The following HPSE2 variants were observed in gnomAD, a reference collection of about 807,000 sequenced individuals.
HPSE2 encodes inactive heparanase-2.
Under a neutral mutation model 60.5 loss-of-function variants are expected in HPSE2, and 38 were observed. The ratio of observed to expected loss-of-function variants is 0.63; its 90% CI spans 0.48 to 0.82. The LOEUF is 0.82. Ranked by LOEUF, HPSE2 falls within the 40% of genes least tolerant of loss-of-function variation. The probability of loss-of-function intolerance (pLI) is 0.00; values close to 1 mark genes in which losing one functional copy is unlikely to be tolerated. For missense variants in HPSE2, 713 were observed against 740.4 expected (o/e 0.96, Z 0.43); for synonymous variants, 295 against 293.2 (o/e 1.01, Z -0.06).
intron 2 of HPSE2, among the ~76,000 whole-genome samples, chr10:99,198,885 T>C (rs1440829171): frequency 6.7e-6 from 1 of 150,194 alleles, no homozygotes; most frequent in Non-Finnish European, 1.5e-5. Context: ...CATTCTACTC[T>C]TTGTTTCTAT....
At chr10:99,045,573 A>T (rs1957836564) in intron 3 of HPSE2, among the ~76,000 whole-genome samples, 1 of 152,264 alleles carries the variant, frequency 6.6e-6, no homozygotes, top group African/African-American at 2.4e-5. Flanking sequence ...AAAATAAACA[A>T]GATTAACATA....
At chr10:99,071,582 T>C (rs1362534891) in intron 3 of HPSE2, among the ~76,000 whole-genome samples, 1 of 152,266 alleles carries the variant, frequency 6.6e-6, no homozygotes, top group Non-Finnish European at 1.5e-5. Flanking sequence ...GTAATGTTTT[T>C]AAGCATCTTT....
At chr10:98,628,658 C>A (rs970543306) in intron 7 of HPSE2, among the ~76,000 whole-genome samples, 1 of 152,124 alleles carries the variant, frequency 6.6e-6, no homozygotes, top group Non-Finnish European at 1.5e-5. Flanking sequence ...GTCAAGGGGG[C>A]TTTCAGGTAC....
chr10:98,700,902 C>G lies in HPSE2; in HGVS notation c.957-6955G>C, dbSNP rs1329801916. Reference sequence around the variant, plus strand: ...ACACATGAAAAAATGCTCACCATCACTGGCCATCAGAGAAATGCAAATCAA... The same window carrying G: ...ACACATGAAAAAATGCTCACCATCAGTGGCCATCAGAGAAATGCAAATCAA... On this transcript the variant is annotated intron_variant, in intron 5 of 11. Transcript: ENST00000370552. 2.3e-4 allele frequency among the ~76,000 whole-genome samples: 15 copies of G among 66,174 alleles called. 6 individuals are homozygous for G. In the Admixed American group the frequency reaches 2.8e-3, roughly 12 times the overall value. The allele number at this position is 66,174 out of a possible 152,430, so 43.4% of individuals were successfully genotyped here.
chr10:99,152,350 A>G (rs954648726), intron 2 of HPSE2, among the ~76,000 whole-genome samples: 8 of 151,716 alleles, frequency 5.3e-5, no homozygotes, highest in African/African-American at 1.7e-4. Flanking sequence ...ATTTGTTGCT[A>G]GCAGACCTGC....
At chr10:98,596,407 C>G (rs1489871836) in intron 9 of HPSE2, among the ~76,000 whole-genome samples, 1 of 151,384 alleles carries the variant, frequency 6.6e-6, no homozygotes, top group Non-Finnish European at 1.5e-5. Context: ...GTATTCTGAA[C>G]TTGACTCTAT....
intron 3 of HPSE2, among the ~76,000 whole-genome samples, chr10:98,973,159 A>T (rs921202640): frequency 6.6e-6 from 1 of 152,194 alleles, no homozygotes; most frequent in Admixed American, 6.5e-5. Flanking sequence ...ATAATAAACT[A>T]CATTATTGAA....
At chr10:99,191,985 T>C (rs1848237633) in intron 2 of HPSE2, among the ~76,000 whole-genome samples, 1 of 152,144 alleles carries the variant, frequency 6.6e-6, no homozygotes, top group Non-Finnish European at 1.5e-5. Context: ...ATCAATATCC[T>C]TTAATTATAG....
At chr10:98,939,904 A>C (rs1488644854) in intron 3 of HPSE2, among the ~76,000 whole-genome samples, 1 of 144,032 alleles carries the variant, frequency 6.9e-6, no homozygotes, top group Non-Finnish European at 1.5e-5. Flanking sequence ...AGTGCAATCA[A>C]ACTAGAACTC....
intron 9 of HPSE2, among the ~76,000 whole-genome samples, chr10:98,494,498 T>C (rs1941766049): frequency 6.6e-6 from 1 of 152,232 alleles, no homozygotes; most frequent in South Asian, 2.1e-4. Flanking sequence ...GGGCAAATAT[T>C]TAGGCTAAAT....
intron 3 of HPSE2, among the ~76,000 whole-genome samples, chr10:98,858,893 A>G (rs1952382274): frequency 1.3e-5 from 2 of 152,176 alleles, no homozygotes; most frequent in South Asian, 4.1e-4. Context: ...ACTATAGTCC[A>G]CATGCTAACT....
the HPSE2 span, among the ~76,000 whole-genome samples, chr10:99,265,960 A>G: frequency 6.6e-6 from 1 of 152,224 alleles, no homozygotes; most frequent in Non-Finnish European, 1.5e-5. Flanking sequence ...TAGAAGAAGC[A>G]GCAAGAAGAG....
intron 6 of HPSE2, among the ~76,000 whole-genome samples, chr10:98,680,503 T>C (rs922211183): frequency 1.3e-5 from 2 of 152,190 alleles, no homozygotes; most frequent in African/African-American, 4.8e-5. Flanking sequence ...GCAGGTACCT[T>C]AGCACAAATC....
chr10:98,941,526 T>C lies in HPSE2; in HGVS notation c.611-197470A>G, dbSNP rs562766176. ...ACCTAGGAGTCCAACCTACAAGGGT[T>C]GTGAAGGACCTCTTCAAGGAGAACT... is the stretch of plus-strand genomic sequence containing the variant. On this transcript the variant is annotated intron_variant, in intron 3 of 11. Transcript: ENST00000370552. Among the ~76,000 whole-genome samples the C allele has an allele frequency of 4.9e-3, 700 of 143,134 alleles. 70 individuals carry two copies. Among genetic ancestry groups the C allele is most frequent in the Non-Finnish European group, 8.7e-3 (582 of 66,956 alleles). 93.9% of individuals were successfully genotyped at this position (143,134 alleles called of 152,430 possible).
chr10:98,780,684 T>C (rs1202462727), intron 3 of HPSE2, among the ~76,000 whole-genome samples: 2 of 151,850 alleles, frequency 1.3e-5, no homozygotes, highest in African/African-American at 2.4e-5. Context: ...ATGAAAAAAA[T>C]GCAAGATGAC....
intron 3 of HPSE2, among the ~76,000 whole-genome samples, chr10:98,854,213 G>A (rs954908621): frequency 1.3e-5 from 2 of 152,124 alleles, no homozygotes; most frequent in Admixed American, 6.5e-5. Flanking sequence ...ACTTTGCATC[G>A]TAATGACTAT....
At chr10:98,764,514 A>G (rs2801400) in intron 3 of HPSE2, among the ~76,000 whole-genome samples, 123,839 of 152,106 alleles carry the variant, frequency 0.81, 50,899 homozygotes, top group African/African-American at 0.9. Flanking sequence ...CCAATTATAC[A>G]CTATGACAAG....
At chr10:98,879,641 T>C (rs1156401008) in intron 3 of HPSE2, among the ~76,000 whole-genome samples, 1 of 151,982 alleles carries the variant, frequency 6.6e-6, no homozygotes, top group Non-Finnish European at 1.5e-5. Context: ...CAGCCAGGAA[T>C]GTAGAGCTCT....
At chr10:99,043,933 A>G (rs1303189687) in intron 3 of HPSE2, among the ~76,000 whole-genome samples, 4 of 152,206 alleles carry the variant, frequency 2.6e-5, no homozygotes, top group African/African-American at 9.6e-5. Context: ...CAACTTGGAA[A>G]ATATATTTGA....
Sources: allele counts gnomAD v4.1 joint callset (sites outside exome capture counted in the v4.1 genomes callset), GRCh38; gene constraint gnomAD v4.1.1; transcripts MANE v1.5; gene names NCBI Gene and HGNC (gene_info 2026-07-23, HGNC 2026-07-21).